Variants in IMPA1 observed in about 807,000 individuals in gnomAD.
IMPA1 encodes the protein inositol monophosphatase 1.
IMPA1 carries 21 observed loss-of-function variants against 34.9 expected under a neutral mutation model. The observed-to-expected ratio is 0.60, with a 90% CI of 0.43 to 0.87. IMPA1 has a LOEUF of 0.87. Among genes scored for constraint, IMPA1 ranks in the 40% least tolerant of loss-of-function variants. IMPA1 has a pLI of 0.00. For missense variants in IMPA1, 299 were observed against 336.4 expected, an observed-to-expected ratio of 0.89 and a Z score of 0.87; for synonymous variants, 95 against 104.4, an observed-to-expected ratio of 0.91 and a Z score of 0.55.
At chr8:81,664,597 G>A (rs1470444381) in intron 7 of IMPA1, among the ~76,000 whole-genome samples, 1 of 152,110 alleles carries the variant, frequency 6.6e-6, no homozygotes, top group Non-Finnish European at 1.5e-5. Context: ...GAGGTAAGGG[G>A]CTAGAAAACA....
intron 7 of IMPA1, among the ~76,000 whole-genome samples, chr8:81,668,908 C>T (rs1417019105): frequency 3.3e-5 from 5 of 152,186 alleles, no homozygotes; most frequent in Admixed American, 3.3e-4. Context: ...CCAGGGCCAC[C>T]CTAGACTGTG....
At chr8:81,677,710 C>T (rs1268208348) in intron 4 of IMPA1, among the ~76,000 whole-genome samples, 1 of 152,220 alleles carries the variant, frequency 6.6e-6, no homozygotes, top group East Asian at 1.9e-4. Context: ...ACTATACACA[C>T]TGTATTGTAC....
chr8:81,671,030 A>G lies in IMPA1; in HGVS notation c.475T>C (p.Leu159=). 6.6e-7 allele frequency: 1 copy of G among 1,510,734 alleles called. No homozygotes were observed. Among genetic ancestry groups the G allele is most frequent in the Non-Finnish European group, 8.8e-7 (1 of 1,137,476 alleles). 93.6% of individuals were successfully genotyped at this position (1,510,734 alleles called of 1,614,324 possible). A position where few individuals can be genotyped will look rare whatever the true frequency, so the allele number is the denominator to read the frequency against. Reference sequence around the variant, plus strand: ...CTGGAAGAGCCCAACTCAGTCACCAAGAGAGATTTGGTAATATCTAAAAAG... The same window carrying G: ...CTGGAAGAGCCCAACTCAGTCACCAGGAGAGATTTGGTAATATCTAAAAAG... The part of the protein sequence containing the change: ...SQQEDITKSL[L]VTELGSSRTP... Residue 159 remains leucine, a synonymous_variant, in exon 7 of 9, where the codon TTG becomes CTG. Transcript: ENST00000256108.
At chr8:81,669,583 T>C (rs1421043512) in intron 7 of IMPA1, among the ~76,000 whole-genome samples, 3 of 152,238 alleles carry the variant, frequency 2.0e-5, no homozygotes, top group East Asian at 1.9e-4. Flanking sequence ...GTCTTATGCC[T>C]GTGTCACTAT....
At chr8:81,680,811 G>A in intron 2 of IMPA1, 28 bp from the exon 3 acceptor site, 1 of 1,427,644 alleles carries the variant, frequency 7.0e-7, no homozygotes, top group Non-Finnish European at 9.7e-7. Context: ...TAAGCAAATA[G>A]AAAAGGCATA....
At chr8:81,661,727 T>C (rs1806678848) in intron 7 of IMPA1, among the ~76,000 whole-genome samples, 1 of 152,260 alleles carries the variant, frequency 6.6e-6, no homozygotes, top group Non-Finnish European at 1.5e-5. Flanking sequence ...AGATTATGTA[T>C]CCATGTTAAT....
intron 1 of IMPA1, among the ~76,000 whole-genome samples, chr8:81,684,764 C>T (rs1375413179): frequency 6.4e-5 from 9 of 140,472 alleles, no homozygotes; most frequent in Admixed American, 5.8e-4. Flanking sequence ...TATTTAGATA[C>T]TATGTGGAGT....
intron 7 of IMPA1, among the ~76,000 whole-genome samples, chr8:81,670,067 G>C (rs1041405749): frequency 1.3e-5 from 2 of 152,198 alleles, no homozygotes; most frequent in Non-Finnish European, 2.9e-5. Context: ...GGGCTTCTGA[G>C]CCTCTATAAC....
intron 6 of IMPA1, among the ~76,000 whole-genome samples, chr8:81,673,281 A>G (rs1335844475): frequency 6.6e-6 from 1 of 152,246 alleles, no homozygotes; most frequent in Non-Finnish European, 1.5e-5. Context: ...ATGCAGATTC[A>G]CTGAGCCAGA....
chr8:81,678,579 C>T (rs995795455), intron 4 of IMPA1: 3 of 168,578 alleles, frequency 1.8e-5, no homozygotes, highest in Non-Finnish European at 2.6e-5. Flanking sequence ...GTAATCCCAC[C>T]TACTTGGCAG....
chr8:81,684,765 T>C (rs1585907308), intron 1 of IMPA1, among the ~76,000 whole-genome samples: 1 of 143,614 alleles, frequency 7.0e-6, no homozygotes. Context: ...ATTTAGATAC[T>C]ATGTGGAGTA....
rs1807126197 is a variant in IMPA1 at position 81,676,246 on chromosome 8, A to G, written c.336T>C (p.Ala112=). ...FPFVAVSIGF[A]VNKKIEFGVV... ...TAAAAAATCATACCTTTTTATTTAC[A>G]GCAAAGCCAATTGAAACAGCTACAA... is the stretch of plus-strand genomic sequence containing the variant. Residue 112 remains alanine, a synonymous_variant, in exon 5 of 9, where the codon GCT becomes GCC. Transcript: ENST00000256108. 2 of 1,357,342 alleles carry G rather than the reference A, an allele frequency of 1.5e-6. No homozygotes were observed. Among genetic ancestry groups the G allele is most frequent in the Admixed American group, 2.4e-5 (1 of 41,862 alleles). 84.1% of individuals were successfully genotyped at this position (1,357,342 alleles called of 1,614,324 possible). A position where few individuals can be genotyped will look rare whatever the true frequency, so the allele number is the denominator to read the frequency against.
intron 7 of IMPA1, among the ~76,000 whole-genome samples, chr8:81,660,962 G>A (rs1324900410): frequency 2.6e-5 from 4 of 152,056 alleles, no homozygotes; most frequent in Non-Finnish European, 5.9e-5. Flanking sequence ...TGAAATGCAA[G>A]TATATTAATA....
At chr8:81,661,876 C>T (rs1175378885) in intron 7 of IMPA1, among the ~76,000 whole-genome samples, 11 of 152,144 alleles carry the variant, frequency 7.2e-5, no homozygotes, top group Admixed American at 7.2e-4. Context: ...ACACAAATTC[C>T]TTCTCCAACT....
At chr8:81,685,961 G>A (rs1220963503) in intron 1 of IMPA1, 3 of 1,497,546 alleles carry the variant, frequency 2.0e-6, no homozygotes, top group African/African-American at 2.8e-5. Context: ...AAGTTTCTAG[G>A]AGCTTTTCGG....
rs1806548870 is a variant in IMPA1 at position 81,657,456 on chromosome 8, C to T, written c.*1895G>A. 1.3e-5 allele frequency among the ~76,000 whole-genome samples: 2 copies of T among 151,424 alleles called. No individual in the cohort carries two copies. Among genetic ancestry groups the T allele is most frequent in the South Asian group, 2.1e-4 (1 of 4,796 alleles). ...ATTAGCCAGGCATGGTGGCATGTGCCTGTGGTTCCAGTTACTAGGGAGGCT... is the reference window on the plus strand; with the variant it reads ...ATTAGCCAGGCATGGTGGCATGTGCTTGTGGTTCCAGTTACTAGGGAGGCT... On this transcript the variant is annotated 3_prime_UTR_variant, in exon 9 of 9. Coordinates refer to ENST00000256108, the MANE Select transcript of IMPA1 (RefSeq NM_005536.4).
At chr8:81,663,958 G>A (rs1806747126) in intron 7 of IMPA1, among the ~76,000 whole-genome samples, 1 of 152,036 alleles carries the variant, frequency 6.6e-6, no homozygotes, top group African/African-American at 2.4e-5. Flanking sequence ...AGAATCACTT[G>A]AACCCCGGAG....
At position 81,684,612 on chromosome 8, in the gene IMPA1, ATATATATACTACACATAAG is replaced by A. The variant is rs1190391098; in HGVS notation, c.-25+1621_-25+1639del. ...GTATCTTTAGATATATATATCTAGT[ATATATATACTACACATAAG>A]TATATATACTACACATAAGTATATA... On this transcript the variant is annotated intron_variant, in intron 1 of 8. Transcript: ENST00000256108. Among the ~76,000 whole-genome samples the A allele has an allele frequency of 2.3e-3, 124 of 53,178 alleles. 2 individuals are homozygous for A. Among genetic ancestry groups the A allele is most frequent in the Non-Finnish European group, 2.7e-3 (78 of 29,270 alleles). 34.9% of individuals were successfully genotyped at this position (53,178 alleles called of 152,430 possible). A position where few individuals can be genotyped will look rare whatever the true frequency, so the allele number is the denominator to read the frequency against.
intron 1 of IMPA1, chr8:81,685,957 CT>C: frequency 6.6e-7 from 1 of 1,508,682 alleles, no homozygotes; most frequent in African/African-American, 1.4e-5. Context: ...CACCAAGTTT[CT>C]AGGAGCTTTT....
Sources: gnomAD v4.1 joint callset for allele counts (sites outside exome capture counted in the v4.1 genomes callset) on GRCh38, gnomAD v4.1.1 for gene constraint, MANE v1.5 for transcripts, NCBI Gene and HGNC (gene_info 2026-07-23, HGNC 2026-07-21) for gene names.